The following HCN1 variants were observed in gnomAD, a reference collection of about 807,000 sequenced individuals.
HCN1 encodes the protein potassium/sodium hyperpolarization-activated cyclic nucleotide-gated channel 1.
A neutral mutation model predicts 78.9 loss-of-function variants in HCN1; 13 were observed. The observed-to-expected ratio is 0.16, with a 90% CI of 0.11 to 0.26. The LOEUF (loss-of-function observed/expected upper bound fraction) is 0.26. HCN1 is among the 10% of genes least tolerant of loss of function. HCN1 has a pLI of 1.00. For missense variants in HCN1, 810 were observed against 1,154.3 expected (o/e 0.70, Z 4.32); for synonymous variants, 552 against 455.5 (o/e 1.21, Z -2.70).
rs73752446 is a variant in HCN1 at position 45,255,022 on chromosome 5, G to C, written c.*6899C>G. 1 of 152,202 alleles carries C rather than the reference G, an allele frequency of 6.6e-6. No individual in the cohort carries two copies. The allele number at this position is 152,202 out of a possible 1,614,324, so 9.4% of individuals were successfully genotyped here. On this transcript the variant is annotated 3_prime_UTR_variant, in exon 8 of 8. Coordinates refer to ENST00000303230, the MANE Select transcript of HCN1 (RefSeq NM_021072.4). ...ATTAAAAATGTTACAGAAGGCAATG[G>C]ACACATTGTACTGATGTGATATTAA...
At chr5:45,314,307 A>T (rs546842150) in intron 5 of HCN1, among the ~76,000 whole-genome samples, 1 of 152,266 alleles carries the variant, frequency 6.6e-6, no homozygotes, top group South Asian at 2.1e-4. Context: ...CAGACAAGCA[A>T]ATGCTGAGAG....
At position 45,302,439 on chromosome 5, in the gene HCN1, T is replaced by C. The variant is rs1579792689; in HGVS notation, c.1618+1160A>G. On this transcript the variant is annotated intron_variant, in intron 6 of 7. Transcript: ENST00000303230. ...TATAAATTACACGGTCTCAGGTATT[T>C]ACAGTAGTGTGAAAATGGACTAATA... Among the ~76,000 whole-genome samples, 3 of 152,068 alleles carry C rather than the reference T, an allele frequency of 2.0e-5. No homozygotes were observed. In the East Asian group the frequency reaches 5.8e-4, roughly 29 times the overall value.
At chr5:45,645,698 T>G in intron 1 of HCN1, 90 bp from the exon 2 acceptor site, 2 of 680,824 alleles carry the variant, frequency 2.9e-6, no homozygotes, top group Non-Finnish European at 4.8e-6. Flanking sequence ...TATAGTGAGA[T>G]CAATAAGTAA....
At chr5:45,634,336 A>T (rs1324388116) in intron 2 of HCN1, among the ~76,000 whole-genome samples, 2 of 151,980 alleles carry the variant, frequency 1.3e-5, no homozygotes, top group African/African-American at 4.8e-5. Context: ...ATCTTCTATG[A>T]TACTCTTGAA....
At chr5:45,401,869 AG>A (rs1739814214) in intron 3 of HCN1, among the ~76,000 whole-genome samples, 1 of 152,002 alleles carries the variant, frequency 6.6e-6, no homozygotes, top group Non-Finnish European at 1.5e-5. Flanking sequence ...TTTTATACTG[AG>A]TTTTAATTAA....
intron 3 of HCN1, among the ~76,000 whole-genome samples, chr5:45,417,751 C>CAAAAAAA (rs1212611466): frequency 4.1e-4 from 6 of 14,806 alleles, no homozygotes; most frequent in South Asian, 4.7e-3. Context: ...TGTAGAGAGA[C>CAAAAAAA]AAAAAAAAAA....
intron 1 of HCN1, among the ~76,000 whole-genome samples, chr5:45,667,912 A>C (rs1179577384): frequency 3.9e-5 from 6 of 151,944 alleles, no homozygotes; most frequent in African/African-American, 1.4e-4. Flanking sequence ...ACATATAAAA[A>C]TGTGTTGTTC....
chr5:45,583,103 C>A (rs1322153743), intron 2 of HCN1, among the ~76,000 whole-genome samples: 1 of 152,016 alleles, frequency 6.6e-6, no homozygotes, highest in Non-Finnish European at 1.5e-5. Context: ...AGGAATGGTA[C>A]CAGCTCCTCC....
chr5:45,314,075 T>C (rs1745920022), intron 5 of HCN1, among the ~76,000 whole-genome samples: 1 of 151,590 alleles, frequency 6.6e-6, no homozygotes, highest in African/African-American at 2.4e-5. Context: ...TTCACCAAAG[T>C]TGAAATGAAG....
chr5:45,440,861 C>T (rs1355258715), intron 3 of HCN1, among the ~76,000 whole-genome samples: 1 of 152,138 alleles, frequency 6.6e-6, no homozygotes, highest in Non-Finnish European at 1.5e-5. Flanking sequence ...TTTCACTTTA[C>T]CAAGAACAGA....
intron 2 of HCN1, among the ~76,000 whole-genome samples, chr5:45,505,046 A>G (rs556552658): frequency 2.6e-5 from 4 of 152,266 alleles, no homozygotes; most frequent in South Asian, 4.1e-4. Flanking sequence ...CCCATTCTGT[A>G]GGTTGCCTGT....
intron 2 of HCN1, among the ~76,000 whole-genome samples, chr5:45,466,567 C>A (rs150778329): frequency 6.6e-6 from 1 of 152,076 alleles, no homozygotes; most frequent in African/African-American, 2.4e-5. Flanking sequence ...CTTTATATTT[C>A]GGCACCTGCA....
chr5:45,493,245 GAT>G (rs1036418165), intron 2 of HCN1, among the ~76,000 whole-genome samples: 46 of 151,778 alleles, frequency 3.0e-4, no homozygotes, highest in African/African-American at 1.1e-3. Context: ...TGTATATATA[GAT>G]ATATATATTC....
At chr5:45,684,855 C>T (rs1334737320) in intron 1 of HCN1, among the ~76,000 whole-genome samples, 2 of 152,150 alleles carry the variant, frequency 1.3e-5, no homozygotes, top group South Asian at 4.1e-4. Context: ...AAGCAAGACT[C>T]TGTCTCAAAA....
intron 6 of HCN1, among the ~76,000 whole-genome samples, chr5:45,285,623 C>A (rs1745252368): frequency 6.6e-6 from 1 of 151,898 alleles, no homozygotes; most frequent in Non-Finnish European, 1.5e-5. Flanking sequence ...AGAAAAATTT[C>A]AAGATTGTTA....
At chr5:45,349,865 A>T (rs868592881) in intron 5 of HCN1, among the ~76,000 whole-genome samples, 68 of 152,314 alleles carry the variant, frequency 4.5e-4, no homozygotes, top group Middle Eastern at 6.8e-3. Context: ...CAGGCTCTGA[A>T]ATTGTGGCAA....
At chr5:45,627,581 T>C (rs1031297306) in intron 2 of HCN1, among the ~76,000 whole-genome samples, 3 of 152,184 alleles carry the variant, frequency 2.0e-5, no homozygotes, top group African/African-American at 7.2e-5. Context: ...TAACAGTAGA[T>C]GGCAAATTTT....
At chr5:45,314,909 T>C (rs564643959) in intron 5 of HCN1, among the ~76,000 whole-genome samples, 3 of 152,262 alleles carry the variant, frequency 2.0e-5, no homozygotes, top group South Asian at 4.1e-4. Context: ...TCCAGATTCA[T>C]AAAGCAAGTC....
chr5:45,526,175 G>A (rs939094419), intron 2 of HCN1, among the ~76,000 whole-genome samples: 12 of 151,998 alleles, frequency 7.9e-5, no homozygotes, highest in Admixed American at 3.3e-4. Context: ...AAGACATGTC[G>A]GCTAACTCAG....
Sources: gnomAD v4.1 joint callset for allele counts (sites outside exome capture counted in the v4.1 genomes callset) on GRCh38, gnomAD v4.1.1 for gene constraint, MANE v1.5 for transcripts, NCBI Gene and HGNC (gene_info 2026-07-23, HGNC 2026-07-21) for gene names.